The following CCSER1 variants were observed in gnomAD, a reference collection of about 807,000 sequenced individuals.
CCSER1 encodes serine-rich coiled-coil domain-containing protein 1.
In CCSER1, 41 loss-of-function variants were observed where a neutral mutation model predicts 82.0. The observed-to-expected ratio is 0.50, with a 90% CI of 0.39 to 0.65. The LOEUF (loss-of-function observed/expected upper bound fraction) is 0.65, where lower values mean the gene tolerates loss of function less well. Ranked by LOEUF, CCSER1 falls within the 30% of genes least tolerant of loss-of-function variation. The pLI is 0.00. For missense variants in CCSER1, 1,119 were observed against 1,064.2 expected, an observed-to-expected ratio of 1.05 and a Z score of -0.72; for synonymous variants, 414 against 383.9, an observed-to-expected ratio of 1.08 and a Z score of -0.92.
chr4:91,528,867 T>C (rs1165829406), intron 10 of CCSER1, among the ~76,000 whole-genome samples: 1 of 152,156 alleles, frequency 6.6e-6, no homozygotes, highest in African/African-American at 2.4e-5. Context: ...TTTATCTGGG[T>C]ATAAAATACT....
chr4:91,507,734 A>G (rs893720521), intron 10 of CCSER1, among the ~76,000 whole-genome samples: 2 of 151,862 alleles, frequency 1.3e-5, no homozygotes, highest in African/African-American at 4.8e-5. Flanking sequence ...TGTCCTTAGA[A>G]GCAATTTAAA....
intron 10 of CCSER1, among the ~76,000 whole-genome samples, chr4:91,458,165 G>C (rs1175924259): frequency 6.6e-6 from 1 of 151,954 alleles, no homozygotes; most frequent in Non-Finnish European, 1.5e-5. Flanking sequence ...TCTTGAGTTT[G>C]TTTTTGTATA....
chr4:90,505,068 T>G (rs898064906), intron 5 of CCSER1, among the ~76,000 whole-genome samples: 1 of 152,190 alleles, frequency 6.6e-6, no homozygotes, highest in African/African-American at 2.4e-5. Context: ...CACAACCAAG[T>G]GTCCTGCCTT....
intron 10 of CCSER1, among the ~76,000 whole-genome samples, chr4:91,147,169 C>T (rs766554527): frequency 4.9e-4 from 75 of 152,226 alleles, no homozygotes; most frequent in Non-Finnish European, 9.0e-4. Context: ...TCTGGTGATG[C>T]GGTAGGTCAA....
At chr4:91,282,768 A>C (rs2149205023) in intron 10 of CCSER1, among the ~76,000 whole-genome samples, 1 of 152,270 alleles carries the variant, frequency 6.6e-6, no homozygotes, top group South Asian at 2.1e-4. Flanking sequence ...AGGTTCATTA[A>C]AATTTGGCAA....
chr4:91,367,192 C>T (rs1183016940), intron 10 of CCSER1, among the ~76,000 whole-genome samples: 2 of 148,936 alleles, frequency 1.3e-5, no homozygotes, highest in Non-Finnish European at 3.0e-5. Flanking sequence ...TGGATTGAAC[C>T]TGTAGTCGAA....
intron 8 of CCSER1, among the ~76,000 whole-genome samples, chr4:90,905,843 G>A (rs1725393698): frequency 6.6e-6 from 1 of 152,098 alleles, no homozygotes; most frequent in Admixed American, 6.6e-5. Context: ...AGGGCTCACT[G>A]TGAACATTTA....
At chr4:91,185,394 C>G (rs1200190012) in intron 10 of CCSER1, among the ~76,000 whole-genome samples, 1 of 152,198 alleles carries the variant, frequency 6.6e-6, no homozygotes, top group East Asian at 1.9e-4. Flanking sequence ...TAAACTTAAA[C>G]TAGACCTTCC....
intron 3 of CCSER1, among the ~76,000 whole-genome samples, chr4:90,318,548 C>T (rs1252200609): frequency 6.6e-6 from 1 of 152,064 alleles, no homozygotes; most frequent in Non-Finnish European, 1.5e-5. Flanking sequence ...AGAACAAATC[C>T]GATTTATATT....
At chr4:90,208,149 A>G (rs1275496365) in intron 1 of CCSER1, among the ~76,000 whole-genome samples, 3 of 152,178 alleles carry the variant, frequency 2.0e-5, no homozygotes, top group Non-Finnish European at 4.4e-5. Context: ...AGTTTTATCT[A>G]TAAGTCCCTG....
intron 10 of CCSER1, among the ~76,000 whole-genome samples, chr4:91,403,131 A>C (rs1237982755): frequency 6.6e-6 from 1 of 151,958 alleles, no homozygotes; most frequent in African/African-American, 2.4e-5. Context: ...AGTTGGATTC[A>C]TAGGTATTTT....
At chr4:90,539,819 T>C (rs919745422) in intron 5 of CCSER1, among the ~76,000 whole-genome samples, 3 of 152,072 alleles carry the variant, frequency 2.0e-5, no homozygotes, top group Non-Finnish European at 4.4e-5. Context: ...AAAGTACAAA[T>C]ACATTGTTAT....
chr4:91,043,136 A>G (rs1294307439), intron 9 of CCSER1, among the ~76,000 whole-genome samples: 1 of 152,102 alleles, frequency 6.6e-6, no homozygotes, highest in Non-Finnish European at 1.5e-5. Flanking sequence ...CAAAGAGAAA[A>G]AAACAAAGAA....
intron 1 of CCSER1, among the ~76,000 whole-genome samples, chr4:90,194,088 T>G (rs371733786): frequency 6.6e-6 from 1 of 152,028 alleles, no homozygotes; most frequent in Non-Finnish European, 1.5e-5. Context: ...CACAATAGAG[T>G]GCCTTAGAAA....
intron 10 of CCSER1, among the ~76,000 whole-genome samples, chr4:91,407,027 C>G (rs1482070902): frequency 6.6e-6 from 1 of 152,158 alleles, no homozygotes; most frequent in Non-Finnish European, 1.5e-5. Context: ...ATGCTTAAAA[C>G]TTCAATGAAT....
At chr4:90,405,004 A>C (rs939425778) in intron 4 of CCSER1, among the ~76,000 whole-genome samples, 2 of 152,118 alleles carry the variant, frequency 1.3e-5, no homozygotes, top group African/African-American at 4.8e-5. Flanking sequence ...GTGGATCCAA[A>C]CCAAAAGGAA....
chr4:91,465,399 A>T (rs1756827933), intron 10 of CCSER1, among the ~76,000 whole-genome samples: 1 of 152,232 alleles, frequency 6.6e-6, no homozygotes, highest in African/African-American at 2.4e-5. Context: ...CACAAGAGAA[A>T]GCAGGAGGGA....
intron 9 of CCSER1, among the ~76,000 whole-genome samples, chr4:90,938,078 C>A (rs1731172239): frequency 6.6e-6 from 1 of 152,014 alleles, no homozygotes; most frequent in Non-Finnish European, 1.5e-5. Flanking sequence ...ATTACCAGCA[C>A]AAAATGAAGT....
intron 10 of CCSER1, among the ~76,000 whole-genome samples, chr4:91,194,574 C>T (rs932071480): frequency 3.3e-5 from 5 of 152,092 alleles, no homozygotes; most frequent in African/African-American, 1.2e-4. Context: ...CATAGCATTG[C>T]TCCACAGTCA....
Sources: allele counts gnomAD v4.1 joint callset (sites outside exome capture counted in the v4.1 genomes callset), GRCh38; gene constraint gnomAD v4.1.1; transcripts MANE v1.5; gene names NCBI Gene and HGNC (gene_info 2026-07-23, HGNC 2026-07-21).